OR7C1: variants seen among roughly 807,000 people sequenced by gnomAD.
OR7C1 encodes olfactory receptor family 7 subfamily C member 1, also known as olfactory receptor 7C1.
For synonymous variants in OR7C1, 152 were observed against 160.7 expected (o/e 0.95, Z 0.41); for missense variants, 324 against 383.3 (o/e 0.85, Z 1.29).
At chr19:14,827,278 G>A (rs1473332645) in intron 1 of OR7C1, 1 of 1,538,340 alleles carries the variant, frequency 6.5e-7, no homozygotes, top group South Asian at 1.3e-5. Context: ...TTAGAGCCCT[G>A]CAATCATGGG....
chr19:14,799,443 C>A lies in OR7C1; in HGVS notation c.694G>T (p.Gly232Trp), dbSNP rs758655892. The A allele has an allele frequency of 3.1e-6, 5 of 1,614,166 alleles. No homozygotes were observed. The East Asian group carries it at 8.9e-5, about 29-fold the overall frequency. ...GTGGAAAACGCTTTGTGCTTTCTCC[C>A]AGCTGAGGAAATCCTCAGTATAGAG... The change falls in exon 5 of 5, where the codon GGG becomes TGG. Residue 232 changes from glycine (G) to tryptophan (W), a missense_variant. Physicochemically the swap from Gly to Trp is radical, Grantham distance 184. Coordinates refer to ENST00000641666, the Ensembl canonical transcript of OR7C1.
At chr19:14,826,718 T>A (rs1409998212) in intron 1 of OR7C1, 3 of 152,216 alleles carry the variant, frequency 2.0e-5, no homozygotes, top group African/African-American at 7.2e-5. Flanking sequence ...GATAAACAAT[T>A]TTTGCCTTAC....
rs146156692 is a variant in OR7C1, at chr19:14,830,352, C to T, written c.-623+4722G>A. 3.5e-3 allele frequency among the ~76,000 whole-genome samples: 526 copies of T among 152,204 alleles called. 14 individuals carry two copies. The highest frequency in any genetic ancestry group is 0.029 in the Admixed American group (448 of 15,292). On this transcript the variant is annotated intron_variant, in intron 1 of 4. Transcript: ENST00000641666. ...AACAGAGTGAGAGAAATTAAACAGA[C>T]CCCAGTAAGGAAAAAGTCTAATAAA...
At chr19:14,802,054 T>G (rs1201884764) in intron 2 of OR7C1, among the ~76,000 whole-genome samples, 4 of 152,170 alleles carry the variant, frequency 2.6e-5, no homozygotes, top group African/African-American at 9.6e-5. Flanking sequence ...ACAAAGTGAA[T>G]CCTTAATTTT....
intron 2 of OR7C1, 102 bp downstream of exon 2, chr19:14,809,704 A>T (rs2044682293): frequency 6.6e-6 from 1 of 152,126 alleles, no homozygotes; most frequent in South Asian, 2.1e-4. Flanking sequence ...CAGGACTTTG[A>T]ATCAATCCTC....
intron 1 of OR7C1, among the ~76,000 whole-genome samples, chr19:14,824,014 T>C (rs370890733): frequency 7.9e-5 from 12 of 152,240 alleles, no homozygotes; most frequent in African/African-American, 2.9e-4. Context: ...CAATACAGTG[T>C]GCTTTCCATT....
chr19:14,823,135 G>A (rs1209114935), intron 1 of OR7C1, among the ~76,000 whole-genome samples: 2 of 152,064 alleles, frequency 1.3e-5, no homozygotes, highest in African/African-American at 4.8e-5. Context: ...AGCTTCAGGT[G>A]TTATCCTTAA....
intron 2 of OR7C1, among the ~76,000 whole-genome samples, chr19:14,805,435 A>C (rs1287552966): frequency 4.0e-5 from 2 of 49,530 alleles, no homozygotes; most frequent in Non-Finnish European, 8.6e-5. Flanking sequence ...TTTTTTTTTT[A>C]GACAGAATCT....
At chr19:14,799,802 T>C in exon 5 of OR7C1, 2 of 1,613,744 alleles carry the variant, frequency 1.2e-6, no homozygotes, top group Non-Finnish European at 1.7e-6. Context: ...CAAGAGTAAA[T>C]TGTCCAGGCA....
chr19:14,806,160 T>C (rs983341028), intron 2 of OR7C1, among the ~76,000 whole-genome samples: 8 of 151,938 alleles, frequency 5.3e-5, no homozygotes, highest in Non-Finnish European at 8.8e-5. Context: ...ACCTGGGCAA[T>C]ACCTAGTGTC....
intron 1 of OR7C1, among the ~76,000 whole-genome samples, chr19:14,819,787 T>C (rs774382522): frequency 2.0e-5 from 3 of 152,270 alleles, no homozygotes; most frequent in African/African-American, 4.8e-5. Flanking sequence ...TAAGAAAGTA[T>C]ATTTTTATAT....
At chr19:14,826,615 A>C (rs2145074753) in intron 1 of OR7C1, 1 of 152,322 alleles carries the variant, frequency 6.6e-6, no homozygotes, top group South Asian at 2.1e-4. Flanking sequence ...ACTCCATCAT[A>C]TTTAAGGTCA....
rs2044671500 is a variant in OR7C1 at position 14,807,584 on chromosome 19, T to G, written c.-435+2222A>C. 2.6e-5 allele frequency among the ~76,000 whole-genome samples: 4 copies of G among 152,062 alleles called. No homozygotes were observed. The South Asian group carries it at 6.2e-4, about 24-fold the overall frequency. ...GCAGCAGAGAGATAGAGTAAACCCT[T>G]GTGCCTCAGGTTAGCACAGAGTGAT... On this transcript the variant is annotated intron_variant, in intron 2 of 4. Coordinates refer to ENST00000641666, the Ensembl canonical transcript of OR7C1.
rs946987246 is a variant in OR7C1, at chr19:14,832,393, CCCTT to C, written c.-623+2677_-623+2680del. Among the ~76,000 whole-genome samples the C allele has an allele frequency of 2.0e-5, 3 of 146,822 alleles. No homozygotes were observed. The East Asian group carries it at 6.2e-4, about 30-fold the overall frequency. ...TTTTTCCCTCCTTCCCTCCCTCCCT[CCCTT>C]CCTTCCTTCTCTCTCTCTTTCTTTC... On this transcript the variant is annotated intron_variant, in intron 1 of 4. Transcript: ENST00000641666.
chr19:14,809,296 TA>T lies in OR7C1; in HGVS notation c.-435+509del, dbSNP rs371182568. 6.3e-4 allele frequency among the ~76,000 whole-genome samples: 96 copies of T among 151,976 alleles called. 1 individual carries two copies. Among genetic ancestry groups the T allele is most frequent in the African/African-American group, 2.2e-3 (92 of 41,310 alleles). On this transcript the variant is annotated intron_variant, in intron 2 of 4. Transcript: ENST00000641666. Reference sequence around the variant, plus strand: ...TTTCTCACTCACAATGCTTCATAAATACGAGGAGATGGTAAAGTTGAAATAG... The same window carrying T: ...TTTCTCACTCACAATGCTTCATAAATCGAGGAGATGGTAAAGTTGAAATAG...
At chr19:14,807,897 A>G (rs955365635) in intron 2 of OR7C1, among the ~76,000 whole-genome samples, 2 of 150,684 alleles carry the variant, frequency 1.3e-5, no homozygotes, top group Admixed American at 1.3e-4. Flanking sequence ...CTCAGTCTCA[A>G]AAAAAAAAAC....
chr19:14,802,368 A>G (rs2044646125), intron 2 of OR7C1, among the ~76,000 whole-genome samples: 1 of 151,806 alleles, frequency 6.6e-6, no homozygotes. Context: ...AATAACACAA[A>G]AATGAGCTGG....
At chr19:14,818,438 C>A (rs916656771) in intron 1 of OR7C1, among the ~76,000 whole-genome samples, 4 of 151,366 alleles carry the variant, frequency 2.6e-5, no homozygotes, top group Non-Finnish European at 5.9e-5. Flanking sequence ...GCGGGTTATC[C>A]AGATGAAAAA....
chr19:14,804,177 T>C (rs1289229749), intron 2 of OR7C1, among the ~76,000 whole-genome samples: 1 of 152,012 alleles, frequency 6.6e-6, no homozygotes, highest in East Asian at 1.9e-4. Context: ...AAGGCTGGAG[T>C]TGAAAAATGC....
Sources: gnomAD v4.1 joint callset for allele counts (sites outside exome capture counted in the v4.1 genomes callset) on GRCh38, gnomAD v4.1.1 for gene constraint, MANE v1.5 for transcripts, NCBI Gene and HGNC (gene_info 2026-07-23, HGNC 2026-07-21) for gene names.